The following MTUS2 variants were observed in gnomAD, a reference collection of about 807,000 sequenced individuals.
The protein encoded by MTUS2 is microtubule-associated tumor suppressor candidate 2.
Under a neutral mutation model 114.1 loss-of-function variants are expected in MTUS2, and 40 were observed. The observed-to-expected ratio is 0.35, with a 90% CI of 0.27 to 0.46. The LOEUF (loss-of-function observed/expected upper bound fraction) is 0.46, where lower values mean the gene tolerates loss of function less well. Among genes scored for constraint, MTUS2 ranks in the 20% least tolerant of loss-of-function variants. The pLI is 1.00. For missense variants in MTUS2, 1,679 were observed against 1,705.4 expected, an observed-to-expected ratio of 0.98 and a Z score of 0.27; for synonymous variants, 688 against 672.0, an observed-to-expected ratio of 1.02 and a Z score of -0.37.
chr13:29,489,518 C>T (rs1881901213), intron 11 of MTUS2: 1 of 152,150 alleles, frequency 6.6e-6, no homozygotes. Flanking sequence ...AATGGATTGC[C>T]TCGGTCCTGG....
rs142460383 is a variant in MTUS2 at position 29,488,771 on chromosome 13, G to A, written c.3505+766G>A. Among the ~76,000 whole-genome samples, 365 of 152,282 alleles carry A rather than the reference G, an allele frequency of 2.4e-3. 2 individuals carry two copies. Among genetic ancestry groups the A allele is most frequent in the African/African-American group, 8.5e-3 (355 of 41,540 alleles). On this transcript the variant is annotated intron_variant, in intron 11 of 15. Transcript: ENST00000612955. ...CATAGACCACATTCACCGTGGGTGT[G>A]CGTTAAGTCTCCAGATCTTTCTTTC... is the stretch of plus-strand genomic sequence containing the variant.
At chr13:28,888,888 T>C (rs1385161837) in intron 2 of MTUS2, among the ~76,000 whole-genome samples, 1 of 152,186 alleles carries the variant, frequency 6.6e-6, no homozygotes, top group East Asian at 1.9e-4. Flanking sequence ...TAGAATTGCA[T>C]TGTCAAGTGT....
chr13:29,489,862 G>A (rs1457474047), intron 11 of MTUS2: 1 of 152,218 alleles, frequency 6.6e-6, no homozygotes, highest in Non-Finnish European at 1.5e-5. Flanking sequence ...GGGGCATTGG[G>A]ATCCTTTGAA....
At chr13:28,933,131 A>G (rs1325027128) in intron 2 of MTUS2, among the ~76,000 whole-genome samples, 2 of 148,402 alleles carry the variant, frequency 1.3e-5, no homozygotes, top group East Asian at 2.0e-4. Flanking sequence ...ACACACACAC[A>G]CACACACACA....
chr13:29,163,004 ATG>A (rs1324942334), intron 5 of MTUS2, among the ~76,000 whole-genome samples: 4 of 1,586 alleles, frequency 2.5e-3, no homozygotes, highest in South Asian at 0.018. Flanking sequence ...CAGTTCTAAC[ATG>A]TGTGTGGGCA....
chr13:29,025,097 G>C lies in MTUS2; in HGVS notation c.399G>C (p.Ser133=), dbSNP rs565821252. ...GGAGTATTCAGGGACCAAGTCTGTCGAGTTGGAGGAATGTGATGAGTGAGG... is the reference window on the plus strand; with the variant it reads ...GGAGTATTCAGGGACCAAGTCTGTCCAGTTGGAGGAATGTGATGAGTGAGG... ...TTRSIQGPSL[S]SWRNVMSEAS... Residue 133 remains serine, a synonymous_variant, in exon 3 of 16, where the codon TCG becomes TCC. Coordinates refer to ENST00000612955, the MANE Select transcript of MTUS2 (RefSeq NM_001033602.4). 8.7e-6 allele frequency: 14 copies of C among 1,613,960 alleles called. No homozygotes were observed. Among genetic ancestry groups the C allele is most frequent in the Non-Finnish European group, 1.1e-5 (13 of 1,179,884 alleles).
intron 5 of MTUS2, among the ~76,000 whole-genome samples, chr13:29,216,792 G>A (rs912257444): frequency 6.6e-6 from 1 of 152,200 alleles, no homozygotes; most frequent in South Asian, 2.1e-4. Context: ...GCAGACTGGA[G>A]CGTTTTCTAT....
chr13:28,994,951 G>A (rs1181974649), intron 2 of MTUS2, among the ~76,000 whole-genome samples: 2 of 151,950 alleles, frequency 1.3e-5, no homozygotes, highest in East Asian at 1.9e-4. Context: ...ATTGCTTTTG[G>A]TGTTTTAGAC....
chr13:28,909,404 A>C (rs938822354), intron 2 of MTUS2, among the ~76,000 whole-genome samples: 1 of 151,974 alleles, frequency 6.6e-6, no homozygotes, highest in Non-Finnish European at 1.5e-5. Context: ...GAGGTCCTTC[A>C]CGTCCCTTGT....
intron 2 of MTUS2, among the ~76,000 whole-genome samples, chr13:28,866,686 T>G (rs1027393619): frequency 2.0e-4 from 30 of 152,168 alleles, no homozygotes; most frequent in African/African-American, 7.2e-4. Context: ...GAATGGGTTT[T>G]AGATAAAGTA....
chr13:29,052,208 A>G (rs1343173530), intron 4 of MTUS2, among the ~76,000 whole-genome samples: 1 of 152,206 alleles, frequency 6.6e-6, no homozygotes, highest in Non-Finnish European at 1.5e-5. Context: ...CAGGCCTGGC[A>G]CAGTGGCTCA....
intron 2 of MTUS2, among the ~76,000 whole-genome samples, chr13:28,992,050 T>A (rs1254059219): frequency 6.6e-6 from 1 of 152,318 alleles, no homozygotes; most frequent in Middle Eastern, 3.4e-3. Context: ...AGTCTGCTCC[T>A]TTGTGGGCCT....
At chr13:29,281,994 A>G in intron 6 of MTUS2, 129 bp downstream of exon 6, 1 of 1,053,982 alleles carries the variant, frequency 9.5e-7, no homozygotes, top group Non-Finnish European at 1.3e-6. Context: ...AGTTAGTAAC[A>G]ATAATACCAC....
chr13:29,501,154 G>C lies in MTUS2; in HGVS notation c.3856G>C (p.Asp1286His). 6.2e-7 allele frequency: 1 copy of C among 1,614,180 alleles called. No individual in the cohort carries two copies. Among genetic ancestry groups the C allele is most frequent in the Non-Finnish European group, 8.5e-7 (1 of 1,180,026 alleles). ...CCAGGTTCTCCAACAGCAGAACGAA[G>C]ACCTCAAAGCAAGGATTGACCAAAA... Reference protein sequence around the residue: ...KIQVLQQQNEDLKARIDQNTV... With the variant: ...KIQVLQQQNEHLKARIDQNTV... Residue 1286 changes from aspartate to histidine, a missense_variant, in exon 15 of 16, where the codon GAC becomes CAC. By Grantham distance (81) the Asp-to-His change is moderately conservative. Transcript: ENST00000612955.
intron 2 of MTUS2, among the ~76,000 whole-genome samples, chr13:28,861,372 A>G (rs1266747936): frequency 6.6e-6 from 1 of 151,296 alleles, no homozygotes; most frequent in Non-Finnish European, 1.5e-5. Flanking sequence ...CAGGCCTGGC[A>G]TGGGTACAGT....
chr13:28,964,471 G>A (rs559056329), intron 2 of MTUS2, among the ~76,000 whole-genome samples: 17 of 152,182 alleles, frequency 1.1e-4, no homozygotes, highest in East Asian at 3.9e-4. Flanking sequence ...CAGCAGCAAC[G>A]CATCTCTATT....
chr13:29,385,026 C>T (rs142407336), intron 8 of MTUS2, among the ~76,000 whole-genome samples: 31 of 152,228 alleles, frequency 2.0e-4, no homozygotes, highest in African/African-American at 6.7e-4. Context: ...TTACATTTGT[C>T]GTGAGGGTCC....
At chr13:29,493,073 T>C (rs1286869720) in intron 12 of MTUS2, among the ~76,000 whole-genome samples, 1 of 152,192 alleles carries the variant, frequency 6.6e-6, no homozygotes, top group African/African-American at 2.4e-5. Context: ...GAGAGTGTTC[T>C]AGGCAGGGGT....
chr13:29,339,133 G>A lies in MTUS2; in HGVS notation c.2905+14422G>A, dbSNP rs145826815. ...GGTCCTCCCGGGGCGGCTCCTTGGG[G>A]TGTAGGAAGGCCCAATACAGACATT... On this transcript the variant is annotated intron_variant, in intron 7 of 15. Coordinates refer to ENST00000612955, the MANE Select transcript of MTUS2 (RefSeq NM_001033602.4). Among the ~76,000 whole-genome samples the A allele has an allele frequency of 9.8e-3, 1,488 of 152,140 alleles. 14 individuals carry two copies. The highest frequency in any genetic ancestry group is 0.015 in the Non-Finnish European group (988 of 67,964).
Sources: allele counts gnomAD v4.1 joint callset (sites outside exome capture counted in the v4.1 genomes callset), GRCh38; gene constraint gnomAD v4.1.1; transcripts MANE v1.5; gene names NCBI Gene and HGNC (gene_info 2026-07-23, HGNC 2026-07-21).